Variants in HPSE2 observed in about 807,000 individuals in gnomAD.
The protein encoded by HPSE2 is heparanase 2 (inactive), also known as inactive heparanase-2.
A neutral mutation model predicts 60.5 loss-of-function variants in HPSE2; 38 were observed. That is an observed-to-expected ratio of 0.63 (90% CI 0.48 to 0.82). The LOEUF (loss-of-function observed/expected upper bound fraction) is 0.82, where lower values mean the gene tolerates loss of function less well. Ranked by LOEUF, HPSE2 falls within the 40% of genes least tolerant of loss-of-function variation. The pLI is 0.00. For missense variants in HPSE2, 713 were observed against 740.4 expected (o/e 0.96, Z 0.43); for synonymous variants, 295 against 293.2 (o/e 1.01, Z -0.06).
chr10:99,255,822 C>A, the HPSE2 span, among the ~76,000 whole-genome samples: 1 of 152,104 alleles, frequency 6.6e-6, no homozygotes, highest in Non-Finnish European at 1.5e-5. Flanking sequence ...AAACTTAATC[C>A]CCAGTTGCAT....
intron 3 of HPSE2, among the ~76,000 whole-genome samples, chr10:98,934,647 C>G (rs1450067148): frequency 6.9e-6 from 1 of 144,288 alleles, no homozygotes; most frequent in Non-Finnish European, 1.5e-5. Flanking sequence ...CAGAGGTCCA[C>G]TGTTAGTGTC....
chr10:98,976,541 T>C (rs889826107), intron 3 of HPSE2, among the ~76,000 whole-genome samples: 1 of 152,094 alleles, frequency 6.6e-6, no homozygotes, highest in East Asian at 1.9e-4. Context: ...ATTTCTCAAT[T>C]TAGCATGGGT....
chr10:98,799,187 CAAAG>C (rs1488447587), intron 3 of HPSE2, among the ~76,000 whole-genome samples: 1 of 151,930 alleles, frequency 6.6e-6, no homozygotes, highest in African/African-American at 2.4e-5. Context: ...TAAAAAGAGA[CAAAG>C]AAGGTCATTA....
At chr10:98,575,491 A>T (rs1195650822) in intron 9 of HPSE2, among the ~76,000 whole-genome samples, 1 of 152,236 alleles carries the variant, frequency 6.6e-6, no homozygotes, top group Admixed American at 6.5e-5. Context: ...CAACAGTCAT[A>T]GTAATAGTGA....
chr10:99,271,766 C>A, the HPSE2 span, among the ~76,000 whole-genome samples: 6 of 152,224 alleles, frequency 3.9e-5, no homozygotes, highest in East Asian at 1.2e-3. Flanking sequence ...CCATAGCCAC[C>A]AAAACTGCAT....
At chr10:98,888,995 C>T (rs1953252670) in intron 3 of HPSE2, among the ~76,000 whole-genome samples, 1 of 151,982 alleles carries the variant, frequency 6.6e-6, no homozygotes, top group Non-Finnish European at 1.5e-5. Context: ...GTTCAAGACC[C>T]ACCTGGGCAA....
intron 2 of HPSE2, among the ~76,000 whole-genome samples, chr10:99,147,276 G>A (rs1297379439): frequency 6.6e-6 from 1 of 152,016 alleles, no homozygotes; most frequent in Non-Finnish European, 1.5e-5. Context: ...AACAATAAAA[G>A]GAAGAACTAA....
chr10:99,153,734 A>G (rs1233391854), intron 2 of HPSE2, among the ~76,000 whole-genome samples: 11 of 152,380 alleles, frequency 7.2e-5, no homozygotes, highest in East Asian at 1.9e-4. Context: ...CACCAGCAAC[A>G]GAACAAAGCT....
At chr10:98,558,384 G>T (rs1944074867) in intron 9 of HPSE2, among the ~76,000 whole-genome samples, 3 of 152,088 alleles carry the variant, frequency 2.0e-5, no homozygotes, top group African/African-American at 7.2e-5. Flanking sequence ...ACAATAAAAT[G>T]GATTTATAAA....
intron 2 of HPSE2, among the ~76,000 whole-genome samples, chr10:99,227,916 C>G (rs888442090): frequency 1.4e-5 from 2 of 138,582 alleles, no homozygotes; most frequent in Non-Finnish European, 3.2e-5. Flanking sequence ...TATATATATA[C>G]ATAAAATTAA....
intron 4 of HPSE2, 95 bp from the exon 5 acceptor site, chr10:98,721,923 T>C (rs1313208343): frequency 1.3e-5 from 13 of 1,011,138 alleles, no homozygotes; most frequent in Non-Finnish European, 1.8e-5. Context: ...TTCTTAATAA[T>C]ATGAAAAAAA....
intron 2 of HPSE2, among the ~76,000 whole-genome samples, chr10:99,184,819 T>TATATAGAGAG (rs1554912295): frequency 2.0e-4 from 4 of 19,862 alleles, no homozygotes; most frequent in African/African-American, 5.0e-4. Context: ...TATATATATA[T>TATATAGAGAG]AGAGAGAGAG....
At chr10:98,754,235 T>C (rs1582108) in intron 3 of HPSE2, among the ~76,000 whole-genome samples, 5,892 of 152,244 alleles carry the variant, frequency 0.039, 186 homozygotes, top group East Asian at 0.12. Context: ...AACAGCAGAA[T>C]AGATCAAGCT....
chr10:99,007,351 C>T (rs1484720068), intron 3 of HPSE2, among the ~76,000 whole-genome samples: 1 of 152,134 alleles, frequency 6.6e-6, no homozygotes, highest in African/African-American at 2.4e-5. Flanking sequence ...CTGACCCTCC[C>T]CCAAGGAGAG....
At chr10:99,297,131 C>A in the HPSE2 span, among the ~76,000 whole-genome samples, 1 of 151,988 alleles carries the variant, frequency 6.6e-6, no homozygotes, top group Non-Finnish European at 1.5e-5. Flanking sequence ...TTCTCCCCAC[C>A]GCAGCCTGGT....
intron 6 of HPSE2, among the ~76,000 whole-genome samples, chr10:98,683,686 T>C (rs1947842056): frequency 6.6e-6 from 1 of 151,882 alleles, no homozygotes; most frequent in South Asian, 2.1e-4. Context: ...TAGAGTACTG[T>C]TTGAGGAATT....
rs867614037 is a variant in HPSE2 at position 98,970,399 on chromosome 10, A to G, written c.610+173839T>C. On this transcript the variant is annotated intron_variant, in intron 3 of 11. Transcript: ENST00000370552. Reference sequence around the variant, plus strand: ...CACCTCCCACCATGCCCCACTTCCAACACCAGAGACCACATTTTAACATGA... The same window carrying G: ...CACCTCCCACCATGCCCCACTTCCAGCACCAGAGACCACATTTTAACATGA... Among the ~76,000 whole-genome samples the G allele has an allele frequency of 8.9e-4, 136 of 152,308 alleles. 2 individuals carry two copies. In the Middle Eastern group the frequency reaches 0.014, roughly 15 times the overall value.
intron 2 of HPSE2, among the ~76,000 whole-genome samples, chr10:99,207,894 A>T (rs957628808): frequency 2.0e-5 from 3 of 151,734 alleles, no homozygotes; most frequent in Non-Finnish European, 4.4e-5. Flanking sequence ...AATATATATA[A>T]TGTTTTCTCT....
At chr10:99,229,523 A>C (rs1849579691) in intron 2 of HPSE2, among the ~76,000 whole-genome samples, 1 of 152,240 alleles carries the variant, frequency 6.6e-6, no homozygotes, top group African/African-American at 2.4e-5. Flanking sequence ...TGCAGTCAAA[A>C]AAATAACTTA....
Sources: gnomAD v4.1 joint callset for allele counts (sites outside exome capture counted in the v4.1 genomes callset) on GRCh38, gnomAD v4.1.1 for gene constraint, MANE v1.5 for transcripts, NCBI Gene and HGNC (gene_info 2026-07-23, HGNC 2026-07-21) for gene names.